BCL2L10: variants seen among roughly 807,000 people sequenced by gnomAD.
The protein encoded by BCL2L10 is bcl-2-like protein 10.
A neutral mutation model predicts 11.1 loss-of-function variants in BCL2L10; 14 were observed. That is an observed-to-expected ratio of 1.26 (90% CI 0.83 to 1.96). BCL2L10 has a LOEUF of 1.96. Among genes scored for constraint, BCL2L10 ranks in the 30% most tolerant of loss-of-function variants. The pLI is 0.00. For synonymous variants in BCL2L10, 154 were observed against 133.4 expected (o/e 1.15, Z -1.07); for missense variants, 309 against 273.9 (o/e 1.13, Z -0.90).
At chr15:52,111,716 T>G (rs1423493851) in intron 1 of BCL2L10, among the ~76,000 whole-genome samples, 3 of 151,908 alleles carry the variant, frequency 2.0e-5, no homozygotes, top group African/African-American at 7.3e-5. Context: ...TAAGGAACCT[T>G]GGGTCAGCGC....
chr15:52,109,645 C>A lies in BCL2L10; in HGVS notation c.*203G>T. 1.7e-6 allele frequency: 1 copy of A among 581,100 alleles called. No individual in the cohort carries two copies. The highest frequency in any genetic ancestry group is 2.9e-6 in the Non-Finnish European group (1 of 345,896). The allele number at this position is 581,100 out of a possible 1,614,324, so 36.0% of individuals were successfully genotyped here. ...CCCATTTCTTTCACTCAAGGAAGAG[C>A]CATTTGCATTCTTGTCCTCACACCT... On this transcript the variant is annotated 3_prime_UTR_variant, in exon 2 of 2. Transcript: ENST00000260442.
Position 52,112,601 on chromosome 15 carries a change from G to A in BCL2L10, c.126C>T (p.Ser42=), listed in dbSNP as rs201016178. 90 of 1,578,066 alleles carry A rather than the reference G, an allele frequency of 5.7e-5. No individual in the cohort carries two copies. In the East Asian group the frequency reaches 1.9e-3, roughly 33 times the overall value. ...REPGTPEPAP[S]TPEAAVLRSA... ...AGCGCAGCACGGCGGCCTCGGGCGT[G>A]GATGGCGCCGGCTCGGGGGTGCCGG... The change falls in exon 1 of 2, where the codon TCC becomes TCT. Residue 42 remains serine (S), a synonymous_variant. Transcript: ENST00000260442.
In BCL2L10 at chr15:52,112,519, A is replaced by G. The variant is rs1156361435; in HGVS notation, c.208T>C (p.Tyr70His). 6.3e-7 allele frequency: 1 copy of G among 1,595,456 alleles called. No homozygotes were observed. Among genetic ancestry groups the G allele is most frequent in the Non-Finnish European group, 8.5e-7 (1 of 1,175,642 alleles). The change falls in exon 1 of 2, where the codon TAC becomes CAC. Residue 70 changes from tyrosine (Y) to histidine (H), a missense_variant. Transcript: ENST00000260442. ...HRSFFSAYLG[Y>H]PGNRFELVAL... ...ACCAGCTCGAAGCGGTTCCCGGGGT[A>G]GCCGAGGTAGGCGGAGAAAAAGGAC...
chr15:52,112,664 CA>C lies in BCL2L10; in HGVS notation c.62del (p.Leu21ArgfsTer60). 6.4e-7 allele frequency: 1 copy of C among 1,551,390 alleles called. No homozygotes were observed. The highest frequency in any genetic ancestry group is 8.7e-7 in the Non-Finnish European group (1 of 1,155,720). On this transcript the variant is annotated frameshift_variant, in exon 1 of 2. Coordinates refer to ENST00000260442, the MANE Select transcript of BCL2L10 (RefSeq NM_020396.4). LOFTEE classifies it high-confidence loss of function. ...MADPLRERTE[L>X]LLADYLGYCA... ...AGTACCCCAGGTAGTCGGCCAGCAA[CA>C]GCTCGGTGCGCTCCCGCAGCGGGTC...
intron 1 of BCL2L10, among the ~76,000 whole-genome samples, chr15:52,111,517 A>G (rs1300282965): frequency 6.6e-6 from 1 of 152,128 alleles, no homozygotes; most frequent in African/African-American, 2.4e-5. Context: ...GTGGTGGGGA[A>G]AGAAATGGGG....
intron 1 of BCL2L10, 85 bp downstream of exon 1, chr15:52,112,153 C>T: frequency 7.1e-7 from 1 of 1,400,328 alleles, no homozygotes; most frequent in Non-Finnish European, 9.2e-7. Flanking sequence ...GGGCCTGGCG[C>T]GGTGGGTTCC....
At chr15:52,111,118 C>T (rs2033047502) in intron 1 of BCL2L10, among the ~76,000 whole-genome samples, 1 of 149,622 alleles carries the variant, frequency 6.7e-6, no homozygotes, top group South Asian at 2.1e-4. Flanking sequence ...AGACAGATCA[C>T]GAGATCAAGA....
Position 52,109,978 on chromosome 15 carries a change from AG to A in BCL2L10, c.490-6del, listed in dbSNP as rs746412551. On this transcript the variant is annotated splice_region_variant and splice_polypyrimidine_tract_variant and intron_variant, in intron 1 of 1. Coordinates refer to ENST00000260442, the MANE Select transcript of BCL2L10 (RefSeq NM_020396.4). The stretch of plus-strand genomic sequence containing the variant: ...GAAGAAGTGACAAAAGCCATCCTAC[AG>A]GGGGGAGAGAGAAAAGTTAGATTGC... 4 of 1,594,382 alleles carry A rather than the reference AG, an allele frequency of 2.5e-6. No homozygotes were observed. The highest frequency in any genetic ancestry group is 3.4e-6 in the Non-Finnish European group (4 of 1,171,444).
chr15:52,112,562 C>A lies in BCL2L10; in HGVS notation c.165G>T (p.Arg55Ser), dbSNP rs766529978. Reference sequence around the variant, plus strand: ...AAAAGGACCGGTGAATCTGCCGTAACCTGGCGGCCGCGGAGCGCAGCACGG... The same window carrying A: ...AAAAGGACCGGTGAATCTGCCGTAAACTGGCGGCCGCGGAGCGCAGCACGG... ...EAAVLRSAAARLRQIHRSFFS... is the reference protein window; with the variant it reads ...EAAVLRSAAASLRQIHRSFFS... Residue 55 changes from arginine (R) to serine (S), a missense_variant, in exon 1 of 2, where the codon AGG (arginine) becomes AGT (serine). Transcript: ENST00000260442. The A allele has an allele frequency of 4.4e-6, 7 of 1,582,608 alleles. No homozygotes were observed. The East Asian group carries it at 9.0e-5, about 20-fold the overall frequency.
rs2033020514 is a variant in BCL2L10, at chr15:52,109,717, ACTCCTT to A, written c.*125_*130del. 1 of 1,272,224 alleles carries A rather than the reference ACTCCTT, an allele frequency of 7.9e-7. No individual in the cohort carries two copies. The highest frequency in any genetic ancestry group is 1.1e-6 in the Non-Finnish European group (1 of 919,340). 78.8% of individuals were successfully genotyped at this position (1,272,224 alleles called of 1,614,324 possible). ...ACACTGGCCAAATCACCACCTCAGG[ACTCCTT>A]GTATGCATTCAGATAAAAACGTCTG... On this transcript the variant is annotated 3_prime_UTR_variant, in exon 2 of 2. Transcript: ENST00000260442.
In BCL2L10 at chr15:52,109,980, G is replaced by T. The variant is rs373991834; in HGVS notation, c.490-7C>A. The T allele has an allele frequency of 1.8e-5, 28 of 1,592,660 alleles. No homozygotes were observed. Among genetic ancestry groups the T allele is most frequent in the African/African-American group, 6.8e-5 (5 of 73,692 alleles). On this transcript the variant is annotated splice_region_variant and splice_polypyrimidine_tract_variant and intron_variant, in intron 1 of 1. Coordinates refer to ENST00000260442, the MANE Select transcript of BCL2L10 (RefSeq NM_020396.4). ...AGAAGTGACAAAAGCCATCCTACAG[G>T]GGGGAGAGAGAAAAGTTAGATTGCC... is the stretch of plus-strand genomic sequence containing the variant.
At position 52,112,654 on chromosome 15, in the gene BCL2L10, C is replaced by A. The variant is rs759740266; in HGVS notation, c.73G>T (p.Asp25Tyr). ...TCCCGGGCGCAGTACCCCAGGTAGTCGGCCAGCAACAGCTCGGTGCGCTCC... is the reference window on the plus strand; with the variant it reads ...TCCCGGGCGCAGTACCCCAGGTAGTAGGCCAGCAACAGCTCGGTGCGCTCC... ...LRERTELLLA[D>Y]YLGYCAREPG... Residue 25 changes from aspartate to tyrosine, a missense_variant, in exon 1 of 2, where the codon GAC (aspartate) becomes TAC (tyrosine). By Grantham distance (160) the Asp-to-Tyr change is radical (BLOSUM62 -3). Coordinates refer to ENST00000260442, the MANE Select transcript of BCL2L10 (RefSeq NM_020396.4). The A allele has an allele frequency of 1.9e-5, 29 of 1,554,558 alleles. No individual in the cohort carries two copies. The highest frequency in any genetic ancestry group is 2.2e-5 in the Non-Finnish European group (26 of 1,157,784).
chr15:52,111,263 G>A (rs1180141216), intron 1 of BCL2L10, among the ~76,000 whole-genome samples: 1 of 150,040 alleles, frequency 6.7e-6, no homozygotes, highest in Non-Finnish European at 1.5e-5. Flanking sequence ...CAGCTACTCC[G>A]GAGGCTGAGA....
intron 1 of BCL2L10, among the ~76,000 whole-genome samples, chr15:52,111,132 C>G (rs944259069): frequency 6.9e-6 from 1 of 144,258 alleles, no homozygotes; most frequent in South Asian, 2.3e-4. Context: ...ATCAAGAGAT[C>G]GAGATCTTGG....
rs1330313493 is a variant in BCL2L10, at chr15:52,112,761, G to A, written c.-35C>T. On this transcript the variant is annotated 5_prime_UTR_variant, in exon 1 of 2. Transcript: ENST00000260442. Reference sequence around the variant, plus strand: ...TCTGCTGGGGGGCCGGGCCTTCGCTGGTTTTCTTGGCCCGGCCGCGCCTCC... The same window carrying A: ...TCTGCTGGGGGGCCGGGCCTTCGCTAGTTTTCTTGGCCCGGCCGCGCCTCC... The A allele has an allele frequency of 1.3e-5, 19 of 1,492,224 alleles. No individual in the cohort carries two copies. Among genetic ancestry groups the A allele is most frequent in the Non-Finnish European group, 1.7e-5 (19 of 1,128,788 alleles). The allele number at this position is 1,492,224 out of a possible 1,614,324, so 92.4% of individuals were successfully genotyped here.
intron 1 of BCL2L10, 133 bp from the exon 2 acceptor site, chr15:52,110,106 C>A: frequency 1.2e-6 from 1 of 827,292 alleles, no homozygotes; most frequent in East Asian, 2.6e-5. Context: ...AAATTCTGAC[C>A]AATACACATC....
At chr15:52,111,134 A>C (rs1404123231) in intron 1 of BCL2L10, among the ~76,000 whole-genome samples, 1 of 150,770 alleles carries the variant, frequency 6.6e-6, no homozygotes, top group Non-Finnish European at 1.5e-5. Flanking sequence ...CAAGAGATCG[A>C]GATCTTGGCC....
At position 52,109,745 on chromosome 15, in the gene BCL2L10, T is replaced by A; in HGVS notation, c.*103A>T. 1.3e-6 allele frequency: 2 copies of A among 1,486,354 alleles called. No individual in the cohort carries two copies. The highest frequency in any genetic ancestry group is 9.2e-7 in the Non-Finnish European group (1 of 1,092,514). The allele number at this position is 1,486,354 out of a possible 1,614,324, so 92.1% of individuals were successfully genotyped here. ...CCTTGTATGCATTCAGATAAAAACG[T>A]CTGGGGTGGGGGAAGGTGCTTTCCC... On this transcript the variant is annotated 3_prime_UTR_variant, in exon 2 of 2. Coordinates refer to ENST00000260442, the MANE Select transcript of BCL2L10 (RefSeq NM_020396.4).
rs548952539 is a variant in BCL2L10, at chr15:52,112,605, G to T, written c.122C>A (p.Pro41Gln). ...CAGCACGGCGGCCTCGGGCGTGGAT[G>T]GCGCCGGCTCGGGGGTGCCGGGTTC... ...AREPGTPEPAPSTPEAAVLRS... is the reference protein window; with the variant it reads ...AREPGTPEPAQSTPEAAVLRS... The change falls in exon 1 of 2, where the codon CCA becomes CAA. Residue 41 changes from proline to glutamine, a missense_variant. Coordinates refer to ENST00000260442, the MANE Select transcript of BCL2L10 (RefSeq NM_020396.4). 2 of 1,577,370 alleles carry T rather than the reference G, an allele frequency of 1.3e-6. No individual in the cohort carries two copies. The highest frequency in any genetic ancestry group is 2.3e-5 in the South Asian group (2 of 87,672).
Sources: allele counts gnomAD v4.1 joint callset (sites outside exome capture counted in the v4.1 genomes callset), GRCh38; gene constraint gnomAD v4.1.1; transcripts MANE v1.5; gene names NCBI Gene and HGNC (gene_info 2026-07-23, HGNC 2026-07-21).